The following ADGRG4 variants were observed in gnomAD, a reference collection of about 807,000 sequenced individuals.
ADGRG4 encodes the protein G protein-coupled receptor 112.
In ADGRG4, 122 loss-of-function variants were observed where a neutral mutation model predicts 126.2. That is an observed-to-expected ratio of 0.97 (90% CI 0.83 to 1.12). The LOEUF is 1.12. Among genes scored for constraint, ADGRG4 ranks in the 50% most tolerant of loss-of-function variants. The pLI is 0.00. For synonymous variants in ADGRG4, 943 were observed against 838.7 expected (o/e 1.12, Z -2.15); for missense variants, 2,481 against 2,251.8 (o/e 1.10, Z -2.06).
intron 15 of ADGRG4, among the ~76,000 whole-genome samples, chrX:136,374,765 T>C (rs1446914063): frequency 8.9e-6 from 1 of 112,088 alleles, no homozygotes; most frequent in African/African-American, 3.2e-5. Context: ...GAAACTGTCA[T>C]AGTGTTTTCT....
intron 23 of ADGRG4, 94 bp downstream of exon 23, chrX:136,406,066 C>A (rs964907647): frequency 1.6e-5 from 14 of 901,999 alleles, no homozygotes; most frequent in Non-Finnish European, 2.0e-5. Flanking sequence ...GAAACATTAA[C>A]TAGATGTTAG....
At position 136,386,788 on chromosome X, in the gene ADGRG4, T is replaced by C. The variant is rs192498997; in HGVS notation, c.7777-952T>C. ...TAGTGTAATTATTAACAAAGCCCTT[T>C]TGACTCTCAAAAATGTTCCAGTACT... On this transcript the variant is annotated intron_variant, in intron 15 of 25. Coordinates refer to ENST00000394143, the MANE Select transcript of ADGRG4 (RefSeq NM_153834.4). Among the ~76,000 whole-genome samples the C allele has an allele frequency of 6.2e-5, 7 of 112,327 alleles. No individual in the cohort carries two copies. In the East Asian group the frequency reaches 2.0e-3, roughly 31 times the overall value.
At chrX:136,387,057 C>A (rs1380789413) in intron 15 of ADGRG4, among the ~76,000 whole-genome samples, 2 of 111,894 alleles carry the variant, frequency 1.8e-5, no homozygotes, top group Non-Finnish European at 3.8e-5. Context: ...AAAGATTGAA[C>A]TCACAGCCTC....
chrX:136,333,926 A>G lies in ADGRG4; in HGVS notation c.686-10466A>G, dbSNP rs756662120. On this transcript the variant is annotated intron_variant, in intron 5 of 25. Transcript: ENST00000394143. ...AGTCATGCTTTCGATGTTCAAGTTTAAGAACTCTTTGCTTAGCCCTAGATC... is the reference window on the plus strand; with the variant it reads ...AGTCATGCTTTCGATGTTCAAGTTTGAGAACTCTTTGCTTAGCCCTAGATC... Among the ~76,000 whole-genome samples, 3 of 111,531 alleles carry G rather than the reference A, an allele frequency of 2.7e-5. No homozygotes were observed. In the Admixed American group the frequency reaches 2.9e-4, roughly 11 times the overall value.
intron 15 of ADGRG4, among the ~76,000 whole-genome samples, chrX:136,383,821 T>TCTTTCTTC (rs2075276387): frequency 1.5e-5 from 1 of 68,272 alleles, no homozygotes; most frequent in African/African-American, 5.9e-5. Flanking sequence ...TGCCTTTCTT[T>TCTTTCTTC]CTTTCTTTCT....
At chrX:136,333,934 T>G (rs2074930366) in intron 5 of ADGRG4, among the ~76,000 whole-genome samples, 1 of 111,767 alleles carries the variant, frequency 8.9e-6, no homozygotes, top group Admixed American at 9.5e-5. Flanking sequence ...TTAAGAACTC[T>G]TTGCTTAGCC....
intron 16 of ADGRG4, among the ~76,000 whole-genome samples, chrX:136,389,720 ATATT>A (rs2075309723): frequency 1.8e-5 from 2 of 111,960 alleles, no homozygotes; most frequent in South Asian, 3.8e-4. Context: ...CATTCAGCAA[ATATT>A]TATTTAATTC....
At chrX:136,393,631 T>A in intron 18 of ADGRG4, 51 bp downstream of exon 18, 1 of 997,034 alleles carries the variant, frequency 1.0e-6, no homozygotes. Flanking sequence ...ATTTTCCCAC[T>A]TGGCAGTTAA....
chrX:136,373,156 T>C (rs2075205102), intron 15 of ADGRG4, 92 bp downstream of exon 15: 1 of 835,504 alleles, frequency 1.2e-6, no homozygotes, highest in African/African-American at 2.1e-5. Context: ...GGGCACTCCG[T>C]TATGGTTTTA....
intron 9 of ADGRG4, among the ~76,000 whole-genome samples, chrX:136,356,915 A>T (rs922854958): frequency 9.0e-6 from 1 of 111,244 alleles, no homozygotes; most frequent in African/African-American, 3.3e-5. Flanking sequence ...AGGCGGGGGG[A>T]TCACATGAGC....
chrX:136,405,796 T>C lies in ADGRG4; in HGVS notation c.8759T>C (p.Leu2920Pro). ...ATGTTCTGCACTGTTCTTGTTCAAC[T>C]GAATTCTGTGAAATCCCAAATCCAG... ...LSMFCTVLVQ[L>P]NSVKSQIQKT... is the part of the protein sequence containing the mutation. Residue 2920 changes from leucine to proline, a missense_variant, in exon 23 of 26, where the codon CTG (leucine) becomes CCG (proline). By Grantham distance (98) the Leu-to-Pro change is moderately conservative. Coordinates refer to ENST00000394143, the MANE Select transcript of ADGRG4 (RefSeq NM_153834.4). 2.5e-6 allele frequency: 3 copies of C among 1,210,961 alleles called. No homozygotes were observed. Among genetic ancestry groups the C allele is most frequent in the Non-Finnish European group, 3.4e-6 (3 of 894,870 alleles).
intron 15 of ADGRG4, among the ~76,000 whole-genome samples, chrX:136,377,224 G>A (rs1256514785): frequency 1.2e-5 from 1 of 81,202 alleles, no homozygotes; most frequent in African/African-American, 5.3e-5. Context: ...AGTGGGTCTC[G>A]CTCTTTCACC....
At chrX:136,320,128 G>C (rs12686902) in intron 4 of ADGRG4, among the ~76,000 whole-genome samples, 10,892 of 111,193 alleles carry the variant, frequency 0.098, 551 homozygotes, top group East Asian at 0.31. Flanking sequence ...GGCCTATCTT[G>C]TTTGTTTCCC....
At chrX:136,413,860 C>T (rs2075461531) in intron 24 of ADGRG4, among the ~76,000 whole-genome samples, 1 of 110,075 alleles carries the variant, frequency 9.1e-6, no homozygotes, top group African/African-American at 3.3e-5. Flanking sequence ...CCTGCCTCAG[C>T]CTCCAGAGTA....
rs1289188420 is a variant in ADGRG4, at chrX:136,356,373, T to C, written c.6927+208T>C. On this transcript the variant is annotated intron_variant, in intron 9 of 25. Transcript: ENST00000394143. ...TTTTTTGAACTATCCATGTGGCAGC[T>C]TTTTGAGGCACATTTTCTGGTCTAC... is the stretch of plus-strand genomic sequence containing the variant. Among the ~76,000 whole-genome samples the C allele has an allele frequency of 5.4e-5, 6 of 111,513 alleles. No homozygotes were observed. In the East Asian group the frequency reaches 1.7e-3, roughly 32 times the overall value.
At chrX:136,388,442 C>T (rs1342463510) in intron 16 of ADGRG4, among the ~76,000 whole-genome samples, 1 of 112,245 alleles carries the variant, frequency 8.9e-6, no homozygotes, top group Non-Finnish European at 1.9e-5. Context: ...CTGGCAATGC[C>T]ATATTCTGCC....
chrX:136,347,911 A>G lies in ADGRG4; in HGVS notation c.4205A>G (p.Tyr1402Cys), dbSNP rs1450938107. Residue 1402 changes from tyrosine (Y) to cysteine (C), a missense_variant, in exon 6 of 26, where the codon TAT becomes TGT. Tyr to Cys is a radical substitution (Grantham distance 194). Transcript: ENST00000394143. ...GTGGAAATGATAGTAAACTCCACCT[A>G]TGTGACTCACTCTGTCTCATATGGC... ...RTVEMIVNSTYVTHSVSYGQD... is the reference protein window; with the variant it reads ...RTVEMIVNSTCVTHSVSYGQD... 27 of 1,209,297 alleles carry G rather than the reference A, an allele frequency of 2.2e-5. No homozygotes were observed. Among genetic ancestry groups the G allele is most frequent in the Non-Finnish European group, 2.9e-5 (26 of 893,227 alleles).
chrX:136,392,896 T>C (rs766160647), intron 17 of ADGRG4, among the ~76,000 whole-genome samples: 2 of 111,905 alleles, frequency 1.8e-5, no homozygotes, highest in Non-Finnish European at 3.8e-5. Context: ...TAAAAGACCA[T>C]ATAGTTCAGC....
Position 136,397,106 on chromosome X carries a change from G to A in ADGRG4, c.8185-775G>A, listed in dbSNP as rs1439002790. Among the ~76,000 whole-genome samples the A allele has an allele frequency of 6.3e-5, 7 of 111,135 alleles. No homozygotes were observed. In the East Asian group the frequency reaches 1.7e-3, roughly 27 times the overall value. The stretch of plus-strand genomic sequence containing the variant: ...GCCCGGCCCCAAATAATTCTTTGTC[G>A]TGGGGGATTGTTCTGTGCATTGTGA... On this transcript the variant is annotated intron_variant, in intron 19 of 25. Coordinates refer to ENST00000394143, the MANE Select transcript of ADGRG4 (RefSeq NM_153834.4).
Sources: gnomAD v4.1 joint callset for allele counts (sites outside exome capture counted in the v4.1 genomes callset) on GRCh38, gnomAD v4.1.1 for gene constraint, MANE v1.5 for transcripts, NCBI Gene and HGNC (gene_info 2026-07-23, HGNC 2026-07-21) for gene names.